Variants in PCDHB10 observed in about 807,000 individuals in gnomAD.
PCDHB10 encodes the protein protocadherin beta-10.
For synonymous variants in PCDHB10, 448 were observed against 449.2 expected (o/e 1.00, Z 0.04); for missense variants, 1,046 against 1,004.7 (o/e 1.04, Z -0.56).
chr5:141,193,669 A>G lies in PCDHB10; in HGVS notation c.1117A>G (p.Arg373Gly), dbSNP rs1753965411. The G allele has an allele frequency of 4.3e-6, 7 of 1,614,170 alleles. No homozygotes were observed. The highest frequency in any genetic ancestry group is 5.9e-6 in the Non-Finnish European group (7 of 1,180,028). Reference protein sequence around the residue: ...TPLAVFKINDRDSGENGKMVC... With the variant: ...TPLAVFKINDGDSGENGKMVC... ...GCTGGCTGTTTTTAAGATTAATGAC[A>G]GAGACTCTGGAGAAAATGGAAAGAT... is the stretch of plus-strand genomic sequence containing the variant. The change falls in exon 1 of 1, where the codon AGA becomes GGA. Residue 373 changes from arginine (R) to glycine (G), a missense_variant. Coordinates refer to ENST00000239446, the MANE Select transcript of PCDHB10 (RefSeq NM_018930.4).
rs1753988696 is a variant in PCDHB10 at position 141,194,162 on chromosome 5, G to A, written c.1610G>A (p.Gly537Asp). Residue 537 changes from glycine (G) to aspartate (D), a missense_variant, in exon 1 of 1, where the codon GGC (glycine) becomes GAC (aspartate). Physicochemically the swap from Gly to Asp is moderately conservative, Grantham distance 94. Transcript: ENST00000239446. The part of the protein sequence containing the change: ...FEFRVGATDR[G>D]SPALSREALV... ...TTCCGCGTGGGCGCCACAGACCGCG[G>A]CTCCCCCGCGCTGAGCAGAGAGGCG... The A allele has an allele frequency of 6.2e-7, 1 of 1,604,078 alleles. No individual in the cohort carries two copies. Among genetic ancestry groups the A allele is most frequent in the African/African-American group, 1.3e-5 (1 of 74,840 alleles).
In PCDHB10 at chr5:141,193,664, A is replaced by T; in HGVS notation, c.1112A>T (p.Asn371Ile). The change falls in exon 1 of 1, where the codon AAT becomes ATT. Residue 371 changes from asparagine to isoleucine, a missense_variant. Physicochemically the swap from Asn to Ile is moderately radical, Grantham distance 149 (BLOSUM62 -3). Transcript: ENST00000239446. ...ACGCCGCTGGCTGTTTTTAAGATTA[A>T]TGACAGAGACTCTGGAGAAAATGGA... ...PETPLAVFKI[N>I]DRDSGENGKM... 6.2e-7 allele frequency: 1 copy of T among 1,614,154 alleles called. No homozygotes were observed. The highest frequency in any genetic ancestry group is 8.5e-7 in the Non-Finnish European group (1 of 1,180,038).
In PCDHB10 at chr5:141,192,518, C is replaced by T; in HGVS notation, c.-35C>T. The T allele has an allele frequency of 1.3e-6, 2 of 1,598,790 alleles. No individual in the cohort carries two copies. Among genetic ancestry groups the T allele is most frequent in the Non-Finnish European group, 1.7e-6 (2 of 1,172,742 alleles). ...TGTTCTTTTATGCTGGGAGCTGTGGCTGTAACCAACTAGGAAATAACGTAT... is the reference window on the plus strand; with the variant it reads ...TGTTCTTTTATGCTGGGAGCTGTGGTTGTAACCAACTAGGAAATAACGTAT... On this transcript the variant is annotated 5_prime_UTR_variant, in exon 1 of 1. Coordinates refer to ENST00000239446, the MANE Select transcript of PCDHB10 (RefSeq NM_018930.4).
rs781979904 is a variant in PCDHB10 at position 141,192,639 on chromosome 5, G to A, written c.87G>A (p.Gly29=). ...GGGGAGTGTCCTTGGCAGGTTCTGGGTTTGGACGTTATTCGGTGACTGAGG... is the reference window on the plus strand; with the variant it reads ...GGGGAGTGTCCTTGGCAGGTTCTGGATTTGGACGTTATTCGGTGACTGAGG... ...LFWGVSLAGS[G]FGRYSVTEET... Residue 29 remains glycine (G), a synonymous_variant, in exon 1 of 1, where the codon GGG becomes GGA. Transcript: ENST00000239446. The A allele has an allele frequency of 5.0e-6, 8 of 1,614,060 alleles. No individual in the cohort carries two copies. The South Asian group carries it at 6.6e-5, about 13-fold the overall frequency.
rs1207950059 is a variant in PCDHB10, at chr5:141,195,469, T to C, written c.*514T>C. 7 of 167,048 alleles carry C rather than the reference T, an allele frequency of 4.2e-5. No homozygotes were observed. Among genetic ancestry groups the C allele is most frequent in the Admixed American group, 3.9e-4 (6 of 15,282 alleles). 10.3% of individuals were successfully genotyped at this position (167,048 alleles called of 1,614,324 possible). ...TATTGTGAGCAATACTGAACATCAA[T>C]AATACCCTTAGTTTATATACTTATT... On this transcript the variant is annotated 3_prime_UTR_variant, in exon 1 of 1. Transcript: ENST00000239446.
In PCDHB10 at chr5:141,193,194, G is replaced by T. The variant is rs142122504; in HGVS notation, c.642G>T (p.Ala214=). 6.8e-6 allele frequency: 11 copies of T among 1,614,084 alleles called. No homozygotes were observed. The highest frequency in any genetic ancestry group is 1.7e-5 in the Admixed American group (1 of 60,028). Reference sequence around the variant, plus strand: ...GAGAGCTCAGCTTAACCCTCACAGCGCTGGATGGTGGGTCTCCATCCAGGT... The same window carrying T: ...GAGAGCTCAGCTTAACCCTCACAGCTCTGGATGGTGGGTCTCCATCCAGGT... The part of the protein sequence containing the change: ...EQGELSLTLT[A]LDGGSPSRSG... Residue 214 remains alanine (A), a synonymous_variant, in exon 1 of 1, where the codon GCG becomes GCT. Coordinates refer to ENST00000239446, the MANE Select transcript of PCDHB10 (RefSeq NM_018930.4).
rs782399537 is a variant in PCDHB10, at chr5:141,193,493, C to G, written c.941C>G (p.Ser314Cys). Reference sequence around the variant, plus strand: ...TTGCTTGATTATGAGTTAGTAAATTCTTACAAAATAAATATACAGGCAATG... The same window carrying G: ...TTGCTTGATTATGAGTTAGTAAATTGTTACAAAATAAATATACAGGCAATG... Reference protein sequence around the residue: ...RELLDYELVNSYKINIQAMDG... With the variant: ...RELLDYELVNCYKINIQAMDG... The change falls in exon 1 of 1, where the codon TCT becomes TGT. Residue 314 changes from serine to cysteine, a missense_variant. By Grantham distance (112) the Ser-to-Cys change is moderately radical. Transcript: ENST00000239446. The G allele has an allele frequency of 3.1e-6, 5 of 1,614,086 alleles. No homozygotes were observed. The highest frequency in any genetic ancestry group is 4.2e-6 in the Non-Finnish European group (5 of 1,180,018).
chr5:141,192,844 C>T lies in PCDHB10; in HGVS notation c.292C>T (p.Pro98Ser). The T allele has an allele frequency of 6.2e-7, 1 of 1,612,588 alleles. No homozygotes were observed. Among genetic ancestry groups the T allele is most frequent in the Non-Finnish European group, 8.5e-7 (1 of 1,179,142 alleles). The change falls in exon 1 of 1, where the codon CCT (proline) becomes TCT (serine). Residue 98 changes from proline (P) to serine (S), a missense_variant. Coordinates refer to ENST00000239446, the MANE Select transcript of PCDHB10 (RefSeq NM_018930.4). ...EKLDREKLCG[P>S]KEPCMLYFQI... ...ACTGGACCGAGAGAAGCTGTGTGGC[C>T]CTAAAGAGCCCTGTATGCTGTATTT... is the stretch of plus-strand genomic sequence containing the variant.
Position 141,194,053 on chromosome 5 carries a change from G to A in PCDHB10, c.1501G>A (p.Ala501Thr), listed in dbSNP as rs139403329. The A allele has an allele frequency of 1.0e-4, 162 of 1,607,434 alleles. 1 individual carries two copies. The East Asian group carries it at 2.8e-3, about 27-fold the overall frequency. The change falls in exon 1 of 1, where the codon GCC (alanine) becomes ACC (threonine). Residue 501 changes from alanine (A) to threonine (T), a missense_variant. Ala to Thr is a moderately conservative substitution (Grantham distance 58). Coordinates refer to ENST00000239446, the MANE Select transcript of PCDHB10 (RefSeq NM_018930.4). Reference protein sequence around the residue: ...LPPQDPHLPLASLVSINADNG... With the variant: ...LPPQDPHLPLTSLVSINADNG... ...GCCCCAAGACCCGCACCTGCCCCTC[G>A]CCTCCCTGGTCTCCATCAACGCGGA...
chr5:141,192,862 C>T lies in PCDHB10; in HGVS notation c.310C>T (p.Leu104=), dbSNP rs1554283898. 4 of 1,613,444 alleles carry T rather than the reference C, an allele frequency of 2.5e-6. No individual in the cohort carries two copies. Among genetic ancestry groups the T allele is most frequent in the Admixed American group, 1.7e-5 (1 of 59,968 alleles). Residue 104 remains leucine (L), a synonymous_variant, in exon 1 of 1, where the codon CTG becomes TTG. Coordinates refer to ENST00000239446, the MANE Select transcript of PCDHB10 (RefSeq NM_018930.4). ...KLCGPKEPCM[L]YFQILMDDPF... is the part of the protein sequence containing the mutation. ...GTGTGGCCCTAAAGAGCCCTGTATG[C>T]TGTATTTCCAAATTTTAATGGATGA...
rs1753962842 is a variant in PCDHB10, at chr5:141,193,601, C to T, written c.1049C>T (p.Ser350Leu). 6.2e-7 allele frequency: 1 copy of T among 1,614,076 alleles called. No individual in the cohort carries two copies. Among genetic ancestry groups the T allele is most frequent in the Non-Finnish European group, 8.5e-7 (1 of 1,180,012 alleles). The stretch of plus-strand genomic sequence containing the variant: ...GACAATCCCCCTGAACTGATCGTAT[C>T]ATCATTTTCCAACTCTGTTGCTGAG... ...TNDNPPELIV[S>L]SFSNSVAENS... The change falls in exon 1 of 1, where the codon TCA becomes TTA. Residue 350 changes from serine to leucine, a missense_variant. Transcript: ENST00000239446.
Position 141,192,453 on chromosome 5 carries a change from C to T in PCDHB10, c.-100C>T. On this transcript the variant is annotated 5_prime_UTR_variant, in exon 1 of 1. Transcript: ENST00000239446. ...TGGGAAAGGGAAAGGACAAAAAAGACCCCTGGGCTACACGGCGTAGGTGCA... is the reference window on the plus strand; with the variant it reads ...TGGGAAAGGGAAAGGACAAAAAAGATCCCTGGGCTACACGGCGTAGGTGCA... 2.1e-6 allele frequency: 3 copies of T among 1,460,300 alleles called. No individual in the cohort carries two copies. Among genetic ancestry groups the T allele is most frequent in the South Asian group, 2.8e-5 (2 of 72,482 alleles). The allele number at this position is 1,460,300 out of a possible 1,614,324, so 90.5% of individuals were successfully genotyped here.
At position 141,193,665 on chromosome 5, in the gene PCDHB10, T is replaced by A. The variant is rs142177645; in HGVS notation, c.1113T>A (p.Asn371Lys). Residue 371 changes from asparagine (N) to lysine (K), a missense_variant, in exon 1 of 1, where the codon AAT becomes AAA. Physicochemically the swap from Asn to Lys is moderately conservative, Grantham distance 94. Transcript: ENST00000239446. ...PETPLAVFKI[N>K]DRDSGENGKM... Reference sequence around the variant, plus strand: ...CGCCGCTGGCTGTTTTTAAGATTAATGACAGAGACTCTGGAGAAAATGGAA... The same window carrying A: ...CGCCGCTGGCTGTTTTTAAGATTAAAGACAGAGACTCTGGAGAAAATGGAA... The A allele has an allele frequency of 3.9e-4, 630 of 1,614,124 alleles. 4 individuals are homozygous for A. In the African/African-American group the frequency reaches 7.3e-3, roughly 19 times the overall value.
At position 141,194,284 on chromosome 5, in the gene PCDHB10, C is replaced by T. The variant is rs782688077; in HGVS notation, c.1732C>T (p.Arg578Trp). The T allele has an allele frequency of 4.1e-5, 65 of 1,604,662 alleles. No homozygotes were observed. The highest frequency in any genetic ancestry group is 2.7e-4 in the East Asian group (12 of 44,602). ...GSAPCTELVPRAAEPGYLVTK... is the reference protein window; with the variant it reads ...GSAPCTELVPWAAEPGYLVTK... ...CGCGCCCTGCACCGAGCTGGTGCCC[C>T]GGGCGGCCGAGCCGGGCTACCTGGT... Residue 578 changes from arginine to tryptophan, a missense_variant, in exon 1 of 1, where the codon CGG becomes TGG. By Grantham distance (101) the Arg-to-Trp change is moderately radical. Coordinates refer to ENST00000239446, the MANE Select transcript of PCDHB10 (RefSeq NM_018930.4).
Position 141,195,066 on chromosome 5 carries a change from A to T in PCDHB10, c.*111A>T, listed in dbSNP as rs981959727. ...TATGCAACTTCAAGCATTATTTTCA[A>T]GTAGTATACCCCTGTGGTTTTACAA... On this transcript the variant is annotated 3_prime_UTR_variant, in exon 1 of 1. Transcript: ENST00000239446. The T allele has an allele frequency of 8.5e-7, 1 of 1,170,916 alleles. No individual in the cohort carries two copies. Among genetic ancestry groups the T allele is most frequent in the Non-Finnish European group, 1.2e-6 (1 of 841,718 alleles). The allele number at this position is 1,170,916 out of a possible 1,614,324, so 72.5% of individuals were successfully genotyped here. A position where few individuals can be genotyped will look rare whatever the true frequency, so the allele number is the denominator to read the frequency against.
In PCDHB10 at chr5:141,192,913, C is replaced by T; in HGVS notation, c.361C>T (p.Leu121=). 6.2e-6 allele frequency: 10 copies of T among 1,613,956 alleles called. No individual in the cohort carries two copies. Among genetic ancestry groups the T allele is most frequent in the Non-Finnish European group, 8.5e-6 (10 of 1,180,012 alleles). The part of the protein sequence containing the change: ...DDPFQIYRAE[L]RVRDINDHAP... ...TCCCTTTCAGATTTACCGGGCTGAGCTGAGAGTCAGGGATATAAATGATCA... is the reference window on the plus strand; with the variant it reads ...TCCCTTTCAGATTTACCGGGCTGAGTTGAGAGTCAGGGATATAAATGATCA... The change falls in exon 1 of 1, where the codon CTG becomes TTG. Residue 121 remains leucine (L), a synonymous_variant. Transcript: ENST00000239446.
rs1754000760 is a variant in PCDHB10 at position 141,194,435 on chromosome 5, G to A, written c.1883G>A (p.Arg628Lys). 1 of 1,603,738 alleles carries A rather than the reference G, an allele frequency of 6.2e-7. No individual in the cohort carries two copies. Among genetic ancestry groups the A allele is most frequent in the Non-Finnish European group, 8.5e-7 (1 of 1,179,510 alleles). The change falls in exon 1 of 1, where the codon AGG (arginine) becomes AAG (lysine). Residue 628 changes from arginine (R) to lysine (K), a missense_variant. By Grantham distance (26) the Arg-to-Lys change is conservative. Coordinates refer to ENST00000239446, the MANE Select transcript of PCDHB10 (RefSeq NM_018930.4). ...WAHNGEVRTA[R>K]LLSERDAAKH... Reference sequence around the variant, plus strand: ...CACAATGGGGAGGTGCGCACCGCCAGGCTGCTGAGCGAGCGCGACGCAGCC... The same window carrying A: ...CACAATGGGGAGGTGCGCACCGCCAAGCTGCTGAGCGAGCGCGACGCAGCC...
Position 141,193,564 on chromosome 5 carries a change from T to C in PCDHB10, c.1012T>C (p.Leu338=). 2 of 1,614,144 alleles carry C rather than the reference T, an allele frequency of 1.2e-6. No homozygotes were observed. Among genetic ancestry groups the C allele is most frequent in the Non-Finnish European group, 1.7e-6 (2 of 1,180,026 alleles). ...AAGATGTAGGGTTTTAGTGGAAGTA[T>C]TGGACACCAATGACAATCCCCCTGA... ...SARCRVLVEV[L]DTNDNPPELI... is the part of the protein sequence containing the mutation. The change falls in exon 1 of 1, where the codon TTG becomes CTG. Residue 338 remains leucine (L), a synonymous_variant. Coordinates refer to ENST00000239446, the MANE Select transcript of PCDHB10 (RefSeq NM_018930.4).
At position 141,192,684 on chromosome 5, in the gene PCDHB10, T is replaced by G. The variant is rs1352163803; in HGVS notation, c.132T>G (p.Phe44Leu). ...SVTEETEKGS[F>L]VVNLAKDLGL... is the part of the protein sequence containing the mutation. ...CTGAGGAAACAGAGAAAGGATCCTT[T>G]GTGGTCAATCTGGCAAAGGATCTGG... is the stretch of plus-strand genomic sequence containing the variant. The change falls in exon 1 of 1, where the codon TTT (phenylalanine) becomes TTG (leucine). Residue 44 changes from phenylalanine (F) to leucine (L), a missense_variant. Physicochemically the swap from Phe to Leu is conservative, Grantham distance 22 (BLOSUM62 0). Transcript: ENST00000239446. 1 of 1,613,804 alleles carries G rather than the reference T, an allele frequency of 6.2e-7. No individual in the cohort carries two copies. Among genetic ancestry groups the G allele is most frequent in the Non-Finnish European group, 8.5e-7 (1 of 1,179,972 alleles).
Sources: gnomAD v4.1 joint callset for allele counts on GRCh38, gnomAD v4.1.1 for gene constraint, MANE v1.5 for transcripts, NCBI Gene and HGNC (gene_info 2026-07-23, HGNC 2026-07-21) for gene names.